Variants in CHID1 observed in about 807,000 individuals in gnomAD.
CHID1 encodes the protein chitinase domain containing 1.
CHID1 carries 44 observed loss-of-function variants against 55.4 expected under a neutral mutation model. The observed-to-expected ratio is 0.79, with a 90% CI of 0.62 to 1.02. The LOEUF is 1.02. CHID1 is among the 50% of genes least tolerant of loss of function. The pLI, the probability that CHID1 is intolerant of heterozygous loss-of-function variation, is 0.00. For missense variants in CHID1, 491 were observed against 515.3 expected (o/e 0.95, Z 0.46); for synonymous variants, 216 against 212.9 (o/e 1.01, Z -0.13).
Position 902,959 on chromosome 11 carries a change from TA to T in CHID1, c.261+2del. 6.2e-7 allele frequency: 1 copy of T among 1,613,018 alleles called. No homozygotes were observed. The highest frequency in any genetic ancestry group is 1.1e-5 in the South Asian group (1 of 91,072). ...CCTCTGCACTGTGAGGGCCCCAACT[TA>T]CTGGAGTGACATAGCCCAGTACATC... On this transcript the variant is annotated splice_donor_variant, in intron 3 of 12. Transcript: ENST00000323578. LOFTEE classifies it high-confidence loss of function.
At chr11:902,711 C>T (rs1374612967) in intron 3 of CHID1, among the ~76,000 whole-genome samples, 4 of 152,168 alleles carry the variant, frequency 2.6e-5, no homozygotes, top group Admixed American at 6.5e-5. Flanking sequence ...AGACGACCTG[C>T]GAGCCCACCT....
intron 10 of CHID1, among the ~76,000 whole-genome samples, chr11:880,526 C>T (rs1056859569): frequency 2.0e-5 from 3 of 152,232 alleles, no homozygotes; most frequent in Non-Finnish European, 4.4e-5. Context: ...ACATGGCCCA[C>T]CTGCCATCTG....
At chr11:893,344 C>A in intron 8 of CHID1, 83 bp downstream of exon 8, 1 of 1,127,570 alleles carries the variant, frequency 8.9e-7, no homozygotes, top group Non-Finnish European at 1.3e-6. Context: ...AGGGCCTGGG[C>A]CCTTTGGCCG....
intron 1 of CHID1, among the ~76,000 whole-genome samples, chr11:905,688 A>C (rs1225690643): frequency 6.6e-6 from 1 of 152,022 alleles, no homozygotes; most frequent in Non-Finnish European, 1.5e-5. Flanking sequence ...AAAGAAAAAA[A>C]TCGTAGGCTC....
chr11:879,385 C>G (rs892575553), intron 10 of CHID1, among the ~76,000 whole-genome samples: 1 of 105,932 alleles, frequency 9.4e-6, no homozygotes, highest in Non-Finnish European at 1.9e-5. Context: ...TCTTTCAAGA[C>G]GTGATTAAGT....
chr11:901,790 G>A (rs1055623716), intron 4 of CHID1, among the ~76,000 whole-genome samples: 23 of 152,076 alleles, frequency 1.5e-4, no homozygotes, highest in African/African-American at 4.8e-4. Context: ...GGGTCCCACC[G>A]TGGCGACCAC....
chr11:899,438 G>A, intron 6 of CHID1, 37 bp from the exon 7 acceptor site: 1 of 1,561,910 alleles, frequency 6.4e-7, no homozygotes, highest in Non-Finnish European at 8.7e-7. Context: ...GGGCCTGGAG[G>A]CCCAGGAGGG....
Position 869,890 on chromosome 11 carries a change from G to A in CHID1, c.1150C>T (p.Gln384Ter). The A allele has an allele frequency of 6.2e-7, 1 of 1,613,086 alleles. No individual in the cohort carries two copies. Among genetic ancestry groups the A allele is most frequent in the Non-Finnish European group, 8.5e-7 (1 of 1,179,966 alleles). The change falls in exon 13 of 13, where the codon CAG becomes TAG. Residue 384 changes from glutamine to a stop codon, truncating the protein, a stop_gained. Transcript: ENST00000323578. LOFTEE classifies it high-confidence loss of function. ...GVGVSIWELG[Q>*]GLDYFYDLL The stretch of plus-strand genomic sequence containing the variant: ...AGGTCGTAGAAGTAGTCCAGGCCCT[G>A]GCCCAGCTCCCAGATAGAGACCCCA...
At position 896,535 on chromosome 11, in the gene CHID1, G is replaced by C. The variant is rs574779903; in HGVS notation, c.608+2805C>G. On this transcript the variant is annotated intron_variant, in intron 7 of 12. Coordinates refer to ENST00000323578, the MANE Select transcript of CHID1 (RefSeq NM_023947.4). ...CACCCCCAGCCTCCACCCCAGACGT[G>C]AGGCTGTCTCAGCACCCCCAGCCTC... Among the ~76,000 whole-genome samples the C allele has an allele frequency of 2.7e-4, 28 of 103,024 alleles. 1 individual carries two copies. Among genetic ancestry groups the C allele is most frequent in the Non-Finnish European group, 4.7e-4 (25 of 53,044 alleles). The allele number at this position is 103,024 out of a possible 152,430, so 67.6% of individuals were successfully genotyped here. A position where few individuals can be genotyped will look rare whatever the true frequency, so the allele number is the denominator to read the frequency against.
At chr11:898,164 A>C (rs570002864) in intron 7 of CHID1, among the ~76,000 whole-genome samples, 6 of 152,094 alleles carry the variant, frequency 3.9e-5, no homozygotes, top group Non-Finnish European at 8.8e-5. Context: ...CTGCCTCAAC[A>C]ATGTCCCTTC....
intron 7 of CHID1, among the ~76,000 whole-genome samples, chr11:895,562 C>T (rs554581681): frequency 1.3e-5 from 2 of 152,266 alleles, no homozygotes; most frequent in African/African-American, 4.8e-5. Flanking sequence ...TAACACAGCC[C>T]CTCTGGGCAT....
upstream of CHID1, among the ~76,000 whole-genome samples, chr11:913,206 G>A (rs1852790500): frequency 6.6e-6 from 1 of 150,710 alleles, no homozygotes; most frequent in South Asian, 2.1e-4. Flanking sequence ...CCAGGCTGGA[G>A]TGCAGTGGAT....
intron 10 of CHID1, among the ~76,000 whole-genome samples, chr11:878,329 G>A (rs1415291683): frequency 1.3e-5 from 2 of 152,046 alleles, no homozygotes; most frequent in Admixed American, 6.5e-5. Context: ...CAGGACAATC[G>A]CTTGAACCCA....
chr11:904,676 A>G (rs1852077388), intron 2 of CHID1, 30 bp downstream of exon 2: 1 of 1,613,184 alleles, frequency 6.2e-7, no homozygotes, highest in South Asian at 1.1e-5. Context: ...CAGCCAGTAC[A>G]GTCACCTCAA....
chr11:887,962 C>T (rs1850517969), intron 8 of CHID1, among the ~76,000 whole-genome samples: 1 of 152,228 alleles, frequency 6.6e-6, no homozygotes, highest in African/African-American at 2.4e-5. Context: ...ACAGAAACCA[C>T]GAATGCTCCC....
chr11:895,957 T>C (rs1377108468), intron 7 of CHID1, among the ~76,000 whole-genome samples: 3 of 152,036 alleles, frequency 2.0e-5, no homozygotes, highest in Non-Finnish European at 4.4e-5. Flanking sequence ...GCTCGCAGGC[T>C]GCTCCCAACC....
Position 884,873 on chromosome 11 carries a change from G to A in CHID1, c.702-704C>T, listed in dbSNP as rs114378672. ...ATCTCTGGATGGCCGCCCTTCCCTC[G>A]GGGACCTGCTCCTTCCTGACCTGGA... is the stretch of plus-strand genomic sequence containing the variant. On this transcript the variant is annotated intron_variant, in intron 8 of 12. Transcript: ENST00000323578. Among the ~76,000 whole-genome samples the A allele has an allele frequency of 9.7e-3, 1,472 of 152,302 alleles. 27 individuals carry two copies. The highest frequency in any genetic ancestry group is 0.033 in the African/African-American group (1,390 of 41,572).
chr11:898,493 G>A (rs1032822058), intron 7 of CHID1, among the ~76,000 whole-genome samples: 1 of 152,256 alleles, frequency 6.6e-6, no homozygotes, highest in Non-Finnish European at 1.5e-5. Context: ...TGGAGTGAGA[G>A]GAGTCCACCT....
chr11:912,445 C>T (rs1446722072), upstream of CHID1, among the ~76,000 whole-genome samples: 1 of 152,236 alleles, frequency 6.6e-6, no homozygotes, highest in Non-Finnish European at 1.5e-5. Context: ...CTGCAGAGCT[C>T]CCAACGGCCG....
Sources: allele counts gnomAD v4.1 joint callset (sites outside exome capture counted in the v4.1 genomes callset), GRCh38; gene constraint gnomAD v4.1.1; transcripts MANE v1.5; gene names NCBI Gene and HGNC (gene_info 2026-07-23, HGNC 2026-07-21).